The following GSE1 variants were observed in gnomAD, a reference collection of about 807,000 sequenced individuals.
GSE1 encodes the protein Gse1 coiled-coil protein, also known as genetic suppressor element 1.
In GSE1, 32 loss-of-function variants were observed where a neutral mutation model predicts 112.6. The observed-to-expected ratio is 0.28, with a 90% CI of 0.21 to 0.38. GSE1 has a LOEUF of 0.38. GSE1 is among the 10% of genes least tolerant of loss of function. The probability of loss-of-function intolerance (pLI) is 1.00; values close to 1 mark genes in which losing one functional copy is unlikely to be tolerated. For missense variants in GSE1, 2,348 were observed against 1,699.2 expected (o/e 1.38, Z -6.71); for synonymous variants, 1,115 against 735.6 (o/e 1.52, Z -8.35).
intron 1 of GSE1, among the ~76,000 whole-genome samples, chr16:85,631,011 G>GT (rs2049496639): frequency 7.2e-6 from 1 of 138,026 alleles, no homozygotes; most frequent in Non-Finnish European, 1.7e-5. Context: ...AGTATCCCCT[G>GT]GGGGGGTGGT....
At chr16:85,513,148 C>T (rs757581307) in intron 2 of GSE1, among the ~76,000 whole-genome samples, 2 of 152,128 alleles carry the variant, frequency 1.3e-5, no homozygotes, top group Non-Finnish European at 2.9e-5. Flanking sequence ...GCAGGGACCC[C>T]CCAGCCACAC....
chr16:85,564,347 G>C (rs2151299329), intron 1 of GSE1, among the ~76,000 whole-genome samples: 1 of 152,284 alleles, frequency 6.6e-6, no homozygotes, highest in East Asian at 1.9e-4. Flanking sequence ...GGTGTGCCGG[G>C]AGCTGGGCAT....
chr16:85,636,557 A>G (rs956396799), intron 2 of GSE1, among the ~76,000 whole-genome samples: 9 of 152,188 alleles, frequency 5.9e-5, no homozygotes, highest in Non-Finnish European at 1.3e-4. Flanking sequence ...TTCCCCGTCC[A>G]TGGAACTGGC....
chr16:85,362,808 G>T (rs540679043), intron 2 of GSE1, among the ~76,000 whole-genome samples: 1 of 148,628 alleles, frequency 6.7e-6, no homozygotes, highest in Admixed American at 6.7e-5. Flanking sequence ...CTGTGAAACC[G>T]TTTCTGAAGT....
At chr16:85,327,586 G>A (rs1261656273) in intron 1 of GSE1, among the ~76,000 whole-genome samples, 1 of 152,184 alleles carries the variant, frequency 6.6e-6, no homozygotes, top group Non-Finnish European at 1.5e-5. Flanking sequence ...CTGGGCAACA[G>A]AGCGAGACTC....
chr16:85,623,037 C>T (rs1330977079), intron 1 of GSE1, among the ~76,000 whole-genome samples: 4 of 152,092 alleles, frequency 2.6e-5, no homozygotes, highest in Non-Finnish European at 5.9e-5. Flanking sequence ...AGAAGTGCCA[C>T]TCATGGGGCT....
intron 2 of GSE1, among the ~76,000 whole-genome samples, chr16:85,464,531 T>C (rs951331544): frequency 2.0e-5 from 3 of 152,212 alleles, no homozygotes; most frequent in Admixed American, 2.0e-4. Context: ...CCTCACCAGC[T>C]GTGTGACCTT....
At chr16:85,630,357 T>C (rs1031178630) in intron 1 of GSE1, among the ~76,000 whole-genome samples, 40 of 152,248 alleles carry the variant, frequency 2.6e-4, no homozygotes, top group Admixed American at 7.2e-4. Flanking sequence ...GACATTCTTT[T>C]TATTTTTTGA....
intron 1 of GSE1, among the ~76,000 whole-genome samples, chr16:85,590,094 G>A (rs560301571): frequency 2.0e-5 from 3 of 152,176 alleles, no homozygotes; most frequent in East Asian, 1.9e-4. Flanking sequence ...TGTGTGAGGC[G>A]TGTGATTGAA....
chr16:85,614,572 C>A (rs925021494), intron 1 of GSE1, among the ~76,000 whole-genome samples: 1 of 150,332 alleles, frequency 6.7e-6, no homozygotes, highest in Admixed American at 6.6e-5. Context: ...GAGGCTGCGC[C>A]CTTTCCACGT....
At chr16:85,527,651 C>CGGGGCCGGCAGCCCTGGCAGGGGAATGT (rs2052406576) in intron 2 of GSE1, among the ~76,000 whole-genome samples, 1 of 152,238 alleles carries the variant, frequency 6.6e-6, no homozygotes, top group Non-Finnish European at 1.5e-5. Context: ...CGGTGGGAAG[C>CGGGGCCGGCAGCCCTGGCAGGGGAATGT]GGGGCCGGCA....
intron 2 of GSE1, among the ~76,000 whole-genome samples, chr16:85,645,174 C>T (rs74831340): frequency 0.052 from 7,857 of 151,760 alleles, 516 homozygotes; most frequent in African/African-American, 0.15. Context: ...AGGGTGTGGG[C>T]AGTGGTTGGC....
At chr16:85,538,636 G>T (rs2044414758) in intron 2 of GSE1, among the ~76,000 whole-genome samples, 1 of 152,138 alleles carries the variant, frequency 6.6e-6, no homozygotes, top group Admixed American at 6.5e-5. Flanking sequence ...CTGGGGACTT[G>T]CCACCTTCGG....
rs184293868 is a variant in GSE1 at position 85,439,345 on chromosome 16, C to G, written c.2464+81702C>G. Among the ~76,000 whole-genome samples the G allele has an allele frequency of 5.2e-3, 795 of 152,360 alleles. 16 individuals are homozygous for G. Among genetic ancestry groups the G allele is most frequent in the Admixed American group, 0.049 (757 of 15,308 alleles). ...CAGTGGGGGCGGCCTCGGGCGCTGG[C>G]CTCCCTGGGGCAAGATGAGGCCTTG... is the stretch of plus-strand genomic sequence containing the variant. On this transcript the variant is annotated intron_variant, in intron 2 of 2. Transcript: ENST00000637419.
At chr16:85,357,716 C>T in intron 2 of GSE1, 1 of 1,023,528 alleles carries the variant, frequency 9.8e-7, no homozygotes, top group Non-Finnish European at 1.3e-6. Flanking sequence ...ATGGGGGCTC[C>T]CAGAGCCGAG....
At chr16:85,337,096 G>C (rs981512904) in intron 1 of GSE1, among the ~76,000 whole-genome samples, 1 of 152,132 alleles carries the variant, frequency 6.6e-6, no homozygotes, top group African/African-American at 2.4e-5. Flanking sequence ...AGGGGCTGGC[G>C]ACAGAGTGCA....
intron 1 of GSE1, among the ~76,000 whole-genome samples, chr16:85,310,689 G>A (rs939915765): frequency 3.3e-5 from 5 of 152,080 alleles, no homozygotes; most frequent in African/African-American, 1.2e-4. Flanking sequence ...GGCCCGCTGG[G>A]GCCCACCAGG....
chr16:85,212,795 G>A lies in GSE1; in HGVS notation c.2283+40988G>A, dbSNP rs779138273. Among the ~76,000 whole-genome samples the A allele has an allele frequency of 9.9e-4, 151 of 152,094 alleles. 1 individual carries two copies. The highest frequency in any genetic ancestry group is 2.9e-4 in the Non-Finnish European group (20 of 68,014). Reference sequence around the variant, plus strand: ...GGCCAGCTGTGTAGGAAGAGGGGGCGTCTGTGTTTTCTTAATGATACCTTA... The same window carrying A: ...GGCCAGCTGTGTAGGAAGAGGGGGCATCTGTGTTTTCTTAATGATACCTTA... On this transcript the variant is annotated intron_variant, in intron 1 of 2. Coordinates refer to the GSE1 transcript ENST00000637419.
chr16:85,185,933 G>A (rs535464610), intron 1 of GSE1, among the ~76,000 whole-genome samples: 50 of 152,362 alleles, frequency 3.3e-4, no homozygotes, highest in African/African-American at 1.1e-3. Flanking sequence ...TCTGCCGAGG[G>A]CGCGGAGGCC....
Sources: allele counts gnomAD v4.1 joint callset (sites outside exome capture counted in the v4.1 genomes callset), GRCh38; gene constraint gnomAD v4.1.1; transcripts MANE v1.5; gene names NCBI Gene and HGNC (gene_info 2026-07-23, HGNC 2026-07-21).